The following DST variants were observed in gnomAD, a reference collection of about 807,000 sequenced individuals.
The protein encoded by DST is dystonin, also known as bullous pemphigoid antigen.
DST carries 253 observed loss-of-function variants against 875.2 expected under a neutral mutation model. The ratio of observed to expected loss-of-function variants is 0.29; its 90% CI spans 0.26 to 0.32. The LOEUF is 0.32. DST is among the 10% of genes least tolerant of loss of function. The pLI is 1.00. For synonymous variants in DST, 3,124 were observed against 3,197.1 expected, an observed-to-expected ratio of 0.98 and a Z score of 0.77; for missense variants, 8,287 against 9,111.6, an observed-to-expected ratio of 0.91 and a Z score of 3.68.
At chr6:56,850,454 T>C (rs2127575931) in intron 4 of DST, among the ~76,000 whole-genome samples, 1 of 148,232 alleles carries the variant, frequency 6.7e-6, no homozygotes, top group Non-Finnish European at 1.5e-5. Context: ...CCCCCAGAGT[T>C]AAGAGTGGAA....
intron 4 of DST, among the ~76,000 whole-genome samples, chr6:56,767,312 C>T (rs889912277): frequency 3.3e-5 from 5 of 152,054 alleles, no homozygotes; most frequent in African/African-American, 7.2e-5. Context: ...AAACAGCAAT[C>T]AATAATAATA....
intron 43 of DST, chr6:56,601,956 CA>C: frequency 2.3e-6 from 1 of 437,200 alleles, no homozygotes; most frequent in East Asian, 6.0e-5. Context: ...ATAACTCTGA[CA>C]AAAGGCAAAG....
intron 64 of DST, among the ~76,000 whole-genome samples, chr6:56,530,780 T>C (rs1458390424): frequency 3.9e-5 from 6 of 152,202 alleles, no homozygotes. Flanking sequence ...TTTCCTCAGT[T>C]GCAGAGGACT....
At position 56,560,331 on chromosome 6, in the gene DST, A is replaced by C; in HGVS notation, c.14403T>G (p.Pro4801=). 3.1e-6 allele frequency: 5 copies of C among 1,611,466 alleles called. No homozygotes were observed. The highest frequency in any genetic ancestry group is 4.2e-6 in the Non-Finnish European group (5 of 1,178,656). The change falls in exon 58 of 104, where the codon CCT becomes CCG. Residue 4801 remains proline (P), a synonymous_variant. Coordinates refer to ENST00000680361, the MANE Select transcript of DST (RefSeq NM_001374736.1). ...TELLEENPDT[P]EAPRWKQMLT... ...ACATCTGTTTCCATCTGGGGGCCTCAGGAGTATCTGGGTTCTCCTCCAACA... is the reference window on the plus strand; with the variant it reads ...ACATCTGTTTCCATCTGGGGGCCTCCGGAGTATCTGGGTTCTCCTCCAACA...
At chr6:56,832,552 T>C (rs540937595) in intron 4 of DST, among the ~76,000 whole-genome samples, 57 of 151,764 alleles carry the variant, frequency 3.8e-4, no homozygotes, top group Middle Eastern at 3.4e-3. Flanking sequence ...AATTGCCCAG[T>C]CTCTGGTATG....
At chr6:56,527,366 G>T in intron 68 of DST, 127 bp downstream of exon 68, 5 of 1,198,056 alleles carry the variant, frequency 4.2e-6, no homozygotes, top group Non-Finnish European at 5.7e-6. Flanking sequence ...ATTTCTATTG[G>T]GTCTCCACCC....
chr6:56,462,481 C>G (rs2094384449), intron 102 of DST, among the ~76,000 whole-genome samples: 1 of 152,060 alleles, frequency 6.6e-6, no homozygotes, highest in African/African-American at 2.4e-5. Flanking sequence ...CTAAGCCTAC[C>G]CCTCTGACCC....
At chr6:56,916,538 G>A (rs796840334) in intron 2 of DST, among the ~76,000 whole-genome samples, 1 of 152,060 alleles carries the variant, frequency 6.6e-6, no homozygotes, top group South Asian at 2.1e-4. Context: ...GATCGCTTGA[G>A]CCCAGGAGTT....
intron 69 of DST, among the ~76,000 whole-genome samples, chr6:56,525,832 C>T (rs1451500672): frequency 6.6e-6 from 1 of 152,166 alleles, no homozygotes; most frequent in Non-Finnish European, 1.5e-5. Flanking sequence ...ATACATTCTG[C>T]AGGAGTTATA....
chr6:56,937,001 T>C (rs1176578625), intron 2 of DST, among the ~76,000 whole-genome samples: 1 of 151,566 alleles, frequency 6.6e-6, no homozygotes, highest in Non-Finnish European at 1.5e-5. Context: ...AAAAAACTAA[T>C]ACCAGCAATT....
intron 5 of DST, among the ~76,000 whole-genome samples, chr6:56,720,227 C>G (rs1043807263): frequency 5.3e-5 from 8 of 152,170 alleles, no homozygotes; most frequent in African/African-American, 1.9e-4. Flanking sequence ...AAAAAGAATT[C>G]AGCGATATTT....
intron 2 of DST, among the ~76,000 whole-genome samples, chr6:56,936,676 G>A (rs1318245105): frequency 1.3e-5 from 2 of 152,034 alleles, no homozygotes; most frequent in African/African-American, 4.8e-5. Flanking sequence ...ACAGAAGTGT[G>A]CAACAGGACA....
intron 47 of DST, among the ~76,000 whole-genome samples, chr6:56,597,299 A>G (rs1337604679): frequency 1.3e-5 from 2 of 152,060 alleles, no homozygotes; most frequent in Middle Eastern, 3.2e-3. Flanking sequence ...GAGTGAACAT[A>G]TGGCCTAGTT....
At chr6:56,906,518 G>T (rs917839857) in intron 2 of DST, among the ~76,000 whole-genome samples, 15 of 152,094 alleles carry the variant, frequency 9.9e-5, no homozygotes, top group African/African-American at 3.4e-4. Context: ...GCCAAGGGAA[G>T]AGTCATTAGC....
intron 78 of DST, 65 bp from the exon 79 acceptor site, chr6:56,501,758 T>C (rs2096133015): frequency 2.5e-6 from 3 of 1,203,568 alleles, no homozygotes; most frequent in Non-Finnish European, 3.5e-6. Context: ...CAAAGAAATC[T>C]ATTGGTTATA....
In DST at chr6:56,594,116, T is replaced by C. The variant is rs778991728; in HGVS notation, c.12273A>G (p.Lys4091=). The change falls in exon 48 of 104, where the codon AAA becomes AAG. Residue 4091 remains lysine (K), a synonymous_variant. Transcript: ENST00000680361. The part of the protein sequence containing the change: ...ATQSAQVLLE[K]QGQYLSPEEK... ...CTTCAGGAGAGAGATACTGACCCTG[T>C]TTCTCAAGCAACACTTGTGCAGACT... 1 of 1,604,164 alleles carries C rather than the reference T, an allele frequency of 6.2e-7. No individual in the cohort carries two copies. The highest frequency in any genetic ancestry group is 8.5e-7 in the Non-Finnish European group (1 of 1,176,690).
In DST at chr6:56,606,207, A is replaced by G. The variant is rs2098496046; in HGVS notation, c.8421T>C (p.Asp2807=). Residue 2807 remains aspartate, a synonymous_variant, in exon 40 of 104, where the codon GAT becomes GAC. Transcript: ENST00000680361. The part of the protein sequence containing the change: ...YIYDSNDQDD[D]DDDGIDEEGG... ...CTTCTTCATCAATGCCATCATCATC[A>G]TCGTCATCCTGATCATTACTGTCAT... is the stretch of plus-strand genomic sequence containing the variant. 1 of 1,575,258 alleles carries G rather than the reference A, an allele frequency of 6.3e-7. No individual in the cohort carries two copies. The highest frequency in any genetic ancestry group is 8.6e-7 in the Non-Finnish European group (1 of 1,158,348).
In DST at chr6:56,631,923, T is replaced by A. The variant is rs752583092; in HGVS notation, c.3923A>T (p.Asp1308Val). ...TCTGAACACACTTTCATGCAAATCA[T>A]CTCTTTCCAGGGGAGTTCGAATCTG... ...IRQIRTPLER[D>V]DLHESVFRIT... The change falls in exon 29 of 104, where the codon GAT (aspartate) becomes GTT (valine). Residue 1308 changes from aspartate to valine, a missense_variant. Physicochemically the swap from Asp to Val is radical, Grantham distance 152. Around this residue, in one of 10 missense-constraint regions of DST, gnomAD observed 3,138 missense variants for 3,116.6 expected, o/e 1.01. Transcript: ENST00000680361. The A allele has an allele frequency of 6.2e-7, 1 of 1,614,088 alleles. No individual in the cohort carries two copies. The highest frequency in any genetic ancestry group is 8.5e-7 in the Non-Finnish European group (1 of 1,179,966).
intron 4 of DST, among the ~76,000 whole-genome samples, chr6:56,747,925 T>A (rs1211285237): frequency 6.6e-6 from 1 of 152,160 alleles, no homozygotes; most frequent in Non-Finnish European, 1.5e-5. Context: ...AAAAATCAAA[T>A]TCATACAAGA....
Sources: allele counts gnomAD v4.1 joint callset (sites outside exome capture counted in the v4.1 genomes callset), GRCh38; gene constraint gnomAD v4.1.1; regional missense constraint gnomAD v4.1.1; transcripts MANE v1.5; gene names NCBI Gene and HGNC (gene_info 2026-07-23, HGNC 2026-07-21).